Variants in AQP9 observed in about 807,000 individuals in gnomAD.
The protein encoded by AQP9 is aquaporin-9.
A neutral mutation model predicts 23.8 loss-of-function variants in AQP9; 19 were observed. That is an observed-to-expected ratio of 0.80 (90% confidence interval 0.56 to 1.17). AQP9 has a LOEUF of 1.17. AQP9 is among the 50% of genes most tolerant of loss of function. AQP9 has a pLI of 0.00. For missense variants in AQP9, 413 were observed against 362.0 expected (o/e 1.14, Z -1.14); for synonymous variants, 153 against 131.5 (o/e 1.16, Z -1.12).
intron 1 of AQP9, chr15:58,152,912 A>G (rs1439215633): frequency 2.0e-5 from 3 of 152,180 alleles, no homozygotes; most frequent in African/African-American, 7.2e-5. Flanking sequence ...AGAGTTCTCA[A>G]TATGATATAT....
Position 58,171,600 on chromosome 15 carries a change from T to A in AQP9, c.239-1468T>A, listed in dbSNP as rs560166128. 2.6e-5 allele frequency among the ~76,000 whole-genome samples: 4 copies of A among 152,282 alleles called. No homozygotes were observed. The South Asian group carries it at 8.3e-4, about 32-fold the overall frequency. ...AAAGGAAAACACAACAGTTGAAGTG[T>A]TTATAAGGCTTTAGGAAATCATCTG... On this transcript the variant is annotated intron_variant, in intron 2 of 5. Coordinates refer to ENST00000219919, the MANE Select transcript of AQP9 (RefSeq NM_020980.5).
intron 1 of AQP9, among the ~76,000 whole-genome samples, chr15:58,140,920 G>T (rs753981186): frequency 6.6e-6 from 1 of 152,112 alleles, no homozygotes; most frequent in Non-Finnish European, 1.5e-5. Context: ...GGTGGTCCCT[G>T]GTGCTAAAAG....
intron 1 of AQP9, among the ~76,000 whole-genome samples, chr15:58,164,887 CTT>C (rs1898464950): frequency 1.3e-5 from 2 of 152,100 alleles, no homozygotes; most frequent in Non-Finnish European, 2.9e-5. Context: ...AAAAAATTGT[CTT>C]TGTGCAACCT....
chr15:58,163,099 T>A (rs1188897446), intron 1 of AQP9, among the ~76,000 whole-genome samples: 1 of 152,124 alleles, frequency 6.6e-6, no homozygotes, highest in Non-Finnish European at 1.5e-5. Flanking sequence ...GTTGTGCCGA[T>A]GAGAGAAGAG....
At chr15:58,167,881 C>T (rs1012298893) in intron 2 of AQP9, among the ~76,000 whole-genome samples, 1 of 152,132 alleles carries the variant, frequency 6.6e-6, no homozygotes, top group Admixed American at 6.5e-5. Flanking sequence ...CACTGCCACA[C>T]CTGGCTAATT....
chr15:58,175,117 C>A, intron 4 of AQP9, 81 bp downstream of exon 4: 2 of 1,247,716 alleles, frequency 1.6e-6, no homozygotes, highest in South Asian at 1.3e-5. Flanking sequence ...AATTAGAGAC[C>A]AATCAGAAAG....
At chr15:58,180,639 A>G (rs1333475739) in intron 5 of AQP9, among the ~76,000 whole-genome samples, 1 of 152,200 alleles carries the variant, frequency 6.6e-6, no homozygotes, top group Non-Finnish European at 1.5e-5. Flanking sequence ...TTGACAATCC[A>G]ATAAATTTCC....
intron 1 of AQP9, among the ~76,000 whole-genome samples, chr15:58,161,062 T>C (rs1486846379): frequency 6.6e-6 from 1 of 152,154 alleles, no homozygotes; most frequent in Non-Finnish European, 1.5e-5. Flanking sequence ...TTGAGGACTC[T>C]GGGCTGACAT....
intron 2 of AQP9, among the ~76,000 whole-genome samples, chr15:58,170,296 G>T (rs1488796002): frequency 6.6e-6 from 1 of 151,992 alleles, no homozygotes; most frequent in African/African-American, 2.4e-5. Flanking sequence ...TTTCCTCATT[G>T]CTTTGCAAAG....
At chr15:58,152,187 G>A (rs1166730650) in intron 1 of AQP9, 5 of 152,096 alleles carry the variant, frequency 3.3e-5, no homozygotes, top group African/African-American at 1.2e-4. Context: ...TTCAAACACT[G>A]CTTCCACTAA....
chr15:58,176,618 T>A (rs1299185974), intron 4 of AQP9, among the ~76,000 whole-genome samples: 2 of 20,498 alleles, frequency 9.8e-5, no homozygotes, highest in Non-Finnish European at 3.0e-4. Flanking sequence ...TCTCTAAGCT[T>A]TTTTTTTTTT....
intron 1 of AQP9, among the ~76,000 whole-genome samples, chr15:58,142,822 T>C (rs1342790071): frequency 6.6e-6 from 1 of 152,128 alleles, no homozygotes; most frequent in Non-Finnish European, 1.5e-5. Context: ...CATCCATCTC[T>C]CCAAGTCTAG....
At position 58,166,757 on chromosome 15, in the gene AQP9, A is replaced by G. The variant is rs761985517; in HGVS notation, c.196A>G (p.Met66Val). The G allele has an allele frequency of 2.5e-6, 4 of 1,614,010 alleles. No individual in the cohort carries two copies. In the South Asian group the frequency reaches 3.3e-5, roughly 13 times the overall value. Reference sequence around the variant, plus strand: ...CATCACTATCAATGTTGGATTTTCAATGGCAGTTGCAATGGCCATTTATGT... The same window carrying G: ...CATCACTATCAATGTTGGATTTTCAGTGGCAGTTGCAATGGCCATTTATGT... The part of the protein sequence containing the change: ...GVITINVGFS[M>V]AVAMAIYVAG... Residue 66 changes from methionine to valine, a missense_variant, in exon 2 of 6, where the codon ATG (methionine) becomes GTG (valine). By Grantham distance (21) the Met-to-Val change is conservative. Coordinates refer to ENST00000219919, the MANE Select transcript of AQP9 (RefSeq NM_020980.5).
intron 4 of AQP9, among the ~76,000 whole-genome samples, chr15:58,178,338 T>C (rs1223994166): frequency 6.6e-6 from 1 of 152,318 alleles, no homozygotes; most frequent in East Asian, 1.9e-4. Flanking sequence ...TTTTAATGGC[T>C]ATACAGTAGA....
chr15:58,174,980 AT>A lies in AQP9; in HGVS notation c.444del (p.Phe148LeufsTer23). 6.2e-7 allele frequency: 1 copy of A among 1,614,176 alleles called. No homozygotes were observed. The highest frequency in any genetic ancestry group is 8.5e-7 in the Non-Finnish European group (1 of 1,180,002). ...CGTGGGAGAAAATGCAACAGCACAC[AT>A]TTTTGCAACATACCCAGCTCCGTAT... ...LIVGENATAHIFATYPAPYLS... is the reference protein window; with the variant it reads ...LIVGENATAHXFATYPAPYLS... On this transcript the variant is annotated frameshift_variant, in exon 4 of 6. Transcript: ENST00000219919. LOFTEE classifies it high-confidence loss of function.
intron 1 of AQP9, among the ~76,000 whole-genome samples, chr15:58,160,597 C>T (rs187444655): frequency 8.9e-4 from 134 of 151,344 alleles, no homozygotes; most frequent in African/African-American, 3.1e-3. Flanking sequence ...CCCATGTATA[C>T]ATGTTAAATA....
rs756773366 is a variant in AQP9 at position 58,184,023 on chromosome 15, G to T, written c.776G>T (p.Gly259Val). The change falls in exon 6 of 6, where the codon GGC becomes GTC. Residue 259 changes from glycine (G) to valine (V), a missense_variant. Physicochemically the swap from Gly to Val is moderately radical, Grantham distance 109 (BLOSUM62 -3). Transcript: ENST00000219919. Reference sequence around the variant, plus strand: ...CCTTTGGTTGGTGCTGTCATTGGAGGCCTCATCTATGTTCTTGTCATTGAA... The same window carrying T: ...CCTTTGGTTGGTGCTGTCATTGGAGTCCTCATCTATGTTCTTGTCATTGAA... ...VGPLVGAVIGGLIYVLVIEIH... is the reference protein window; with the variant it reads ...VGPLVGAVIGVLIYVLVIEIH... The T allele has an allele frequency of 1.2e-6, 2 of 1,614,104 alleles. No homozygotes were observed. Among genetic ancestry groups the T allele is most frequent in the Admixed American group, 3.3e-5 (2 of 60,020 alleles).
chr15:58,141,523 G>A (rs1244213344), intron 1 of AQP9, among the ~76,000 whole-genome samples: 2 of 152,190 alleles, frequency 1.3e-5, no homozygotes, highest in Admixed American at 1.3e-4. Context: ...TTTACCTTCA[G>A]TGCCCTGAAG....
chr15:58,142,068 T>G (rs1257922856), intron 1 of AQP9, among the ~76,000 whole-genome samples: 4 of 152,188 alleles, frequency 2.6e-5, no homozygotes, highest in Non-Finnish European at 4.4e-5. Context: ...GAGCTCAGGC[T>G]GATGTAATCA....
Sources: gnomAD v4.1 joint callset for allele counts (sites outside exome capture counted in the v4.1 genomes callset) on GRCh38, gnomAD v4.1.1 for gene constraint, MANE v1.5 for transcripts, NCBI Gene and HGNC (gene_info 2026-07-23, HGNC 2026-07-21) for gene names.